Variants in MRPS27 observed in about 807,000 individuals in gnomAD.
MRPS27 encodes the protein small ribosomal subunit protein mS27.
In MRPS27, 43 loss-of-function variants were observed where a neutral mutation model predicts 48.9. That is an observed-to-expected ratio of 0.88 (90% CI 0.69 to 1.13). The LOEUF is 1.13. MRPS27 is among the 50% of genes most tolerant of loss of function. The pLI is 0.00. For synonymous variants in MRPS27, 188 were observed against 171.9 expected (o/e 1.09, Z -0.73); for missense variants, 467 against 476.3 (o/e 0.98, Z 0.18).
chr5:72,292,477 T>A (rs374879936), intron 4 of MRPS27, among the ~76,000 whole-genome samples: 1 of 152,174 alleles, frequency 6.6e-6, no homozygotes. Context: ...AATGTTGAAG[T>A]CCCTAAACAT....
intron 4 of MRPS27, among the ~76,000 whole-genome samples, chr5:72,242,960 T>C (rs891474754): frequency 1.3e-5 from 2 of 152,196 alleles, no homozygotes; most frequent in African/African-American, 4.8e-5. Context: ...TTCTTCCACA[T>C]GAATGAGCAA....
At chr5:72,304,440 A>G (rs1339912080) in intron 2 of MRPS27, among the ~76,000 whole-genome samples, 1 of 152,220 alleles carries the variant, frequency 6.6e-6, no homozygotes, top group Non-Finnish European at 1.5e-5. Context: ...TATAAAAGCT[A>G]GCTATATAAA....
chr5:72,311,798 A>G (rs1278899463), intron 2 of MRPS27, among the ~76,000 whole-genome samples: 5 of 152,240 alleles, frequency 3.3e-5, no homozygotes, highest in African/African-American at 1.2e-4. Context: ...AAAACAAACT[A>G]AGACAGATAT....
intron 2 of MRPS27, among the ~76,000 whole-genome samples, chr5:72,307,551 C>G (rs1561363951): frequency 6.6e-6 from 1 of 151,934 alleles, no homozygotes; most frequent in Non-Finnish European, 1.5e-5. Context: ...TCCAAAGCAT[C>G]GGGATGGGGA....
chr5:72,255,012 T>C (rs957778152), intron 4 of MRPS27, among the ~76,000 whole-genome samples: 2 of 149,190 alleles, frequency 1.3e-5, no homozygotes, highest in Non-Finnish European at 3.0e-5. Context: ...ACATCTAAAA[T>C]GTAACACATT....
At chr5:72,287,785 G>A (rs1749712648) in intron 4 of MRPS27, among the ~76,000 whole-genome samples, 1 of 152,258 alleles carries the variant, frequency 6.6e-6, no homozygotes, top group Admixed American at 6.5e-5. Context: ...TGGCACAAAT[G>A]TGGAGGAAGC....
intron 4 of MRPS27, among the ~76,000 whole-genome samples, chr5:72,241,164 C>A (rs1336190752): frequency 6.6e-6 from 1 of 152,118 alleles, no homozygotes; most frequent in Non-Finnish European, 1.5e-5. Flanking sequence ...TTGCCTCCTT[C>A]TTTATTTCTG....
chr5:72,290,172 C>A (rs1016228391), intron 4 of MRPS27, among the ~76,000 whole-genome samples: 4 of 152,118 alleles, frequency 2.6e-5, no homozygotes, highest in Non-Finnish European at 5.9e-5. Flanking sequence ...TGCATTTGGG[C>A]AGTATACATT....
At chr5:72,291,277 C>T (rs1039021595) in intron 4 of MRPS27, among the ~76,000 whole-genome samples, 6 of 152,166 alleles carry the variant, frequency 3.9e-5, no homozygotes, top group Non-Finnish European at 7.3e-5. Context: ...AAAAATAAGT[C>T]TAAGCAAAAG....
intron 9 of MRPS27, among the ~76,000 whole-genome samples, chr5:72,224,079 T>G (rs1170717675): frequency 6.6e-6 from 1 of 152,084 alleles, no homozygotes; most frequent in Non-Finnish European, 1.5e-5. Context: ...ATAAGCAAGC[T>G]AGCCTGGGTA....
At chr5:72,227,522 C>T (rs1747933776) in intron 8 of MRPS27, 1 of 152,116 alleles carries the variant, frequency 6.6e-6, no homozygotes, top group African/African-American at 2.4e-5. Flanking sequence ...CAAAGGTAAG[C>T]AGAAGCAATG....
At chr5:72,261,572 A>G (rs1275854177) in intron 4 of MRPS27, among the ~76,000 whole-genome samples, 1 of 152,174 alleles carries the variant, frequency 6.6e-6, no homozygotes, top group Non-Finnish European at 1.5e-5. Flanking sequence ...CTTTTGTACT[A>G]GATTATGAGA....
intron 4 of MRPS27, among the ~76,000 whole-genome samples, chr5:72,288,623 C>A (rs1749737030): frequency 6.6e-6 from 1 of 152,164 alleles, no homozygotes; most frequent in Non-Finnish European, 1.5e-5. Flanking sequence ...CAATAATAAG[C>A]AATCTCCCAG....
chr5:72,269,198 C>T (rs1749172840), intron 4 of MRPS27, among the ~76,000 whole-genome samples: 1 of 152,180 alleles, frequency 6.6e-6, no homozygotes, highest in Admixed American at 6.5e-5. Flanking sequence ...CCACTGTGTA[C>T]TAAGGTACAA....
intron 6 of MRPS27, among the ~76,000 whole-genome samples, chr5:72,233,515 A>C (rs1748115317): frequency 6.6e-6 from 1 of 152,152 alleles, no homozygotes; most frequent in South Asian, 2.1e-4. Context: ...TCATAACTAT[A>C]AAATAGCACT....
At chr5:72,230,240 G>A (rs919731854) in intron 7 of MRPS27, among the ~76,000 whole-genome samples, 3 of 152,160 alleles carry the variant, frequency 2.0e-5, no homozygotes, top group Non-Finnish European at 2.9e-5. Flanking sequence ...ACTAATTCAG[G>A]TGTGGTTTCA....
chr5:72,316,204 G>A (rs1750559692), intron 1 of MRPS27, among the ~76,000 whole-genome samples: 1 of 152,238 alleles, frequency 6.6e-6, no homozygotes, highest in Non-Finnish European at 1.5e-5. Flanking sequence ...GGTTGCTAAG[G>A]GCTAAAGGTG....
intron 4 of MRPS27, among the ~76,000 whole-genome samples, chr5:72,240,466 A>G (rs1748319851): frequency 6.6e-6 from 1 of 152,182 alleles, no homozygotes; most frequent in Non-Finnish European, 1.5e-5. Context: ...TCAAATGCCA[A>G]TTACTACCCT....
intron 4 of MRPS27, among the ~76,000 whole-genome samples, chr5:72,264,915 G>T (rs1170636610): frequency 1.3e-5 from 2 of 152,098 alleles, no homozygotes; most frequent in South Asian, 4.1e-4. Context: ...AAAAAACAAC[G>T]GAGGAAGTAC....
Sources: allele counts gnomAD v4.1 joint callset (sites outside exome capture counted in the v4.1 genomes callset), GRCh38; gene constraint gnomAD v4.1.1; transcripts MANE v1.5; gene names NCBI Gene and HGNC (gene_info 2026-07-23, HGNC 2026-07-21).